IL1RAPL1: variants seen among roughly 807,000 people sequenced by gnomAD.
IL1RAPL1 encodes the protein interleukin 1 receptor accessory protein like 1, also known as interleukin-1 receptor accessory protein-like 1.
In IL1RAPL1, 3 loss-of-function variants were observed where a neutral mutation model predicts 48.4. That is an observed-to-expected ratio of 0.06 (90% CI 0.03 to 0.16). The LOEUF is 0.16. Among genes scored for constraint, IL1RAPL1 ranks in the 10% least tolerant of loss-of-function variants. The pLI, the probability that IL1RAPL1 is intolerant of heterozygous loss-of-function variation, is 1.00. For synonymous variants in IL1RAPL1, 185 were observed against 187.7 expected (o/e 0.99, Z 0.12); for missense variants, 349 against 530.6 (o/e 0.66, Z 3.36).
At chrX:29,715,207 C>T (rs1319546414) in intron 6 of IL1RAPL1, among the ~76,000 whole-genome samples, 1 of 111,468 alleles carries the variant, frequency 9.0e-6, no homozygotes, top group Non-Finnish European at 1.9e-5. Context: ...ACAGCTACCA[C>T]CATCACAACC....
chrX:29,815,871 A>C (rs2031684477), intron 6 of IL1RAPL1, among the ~76,000 whole-genome samples: 1 of 111,067 alleles, frequency 9.0e-6, no homozygotes, highest in Non-Finnish European at 1.9e-5. Context: ...TTTTGTTTTT[A>C]ATTTTGTTTA....
chrX:29,688,280 C>T (rs914070377), intron 6 of IL1RAPL1, among the ~76,000 whole-genome samples: 71 of 111,318 alleles, frequency 6.4e-4, no homozygotes, highest in African/African-American at 2.2e-3. Context: ...ATCTTTGCCT[C>T]TTCCAAGGTC....
intron 6 of IL1RAPL1, among the ~76,000 whole-genome samples, chrX:29,884,150 C>G (rs1030929365): frequency 3.6e-5 from 4 of 111,699 alleles, no homozygotes; most frequent in Admixed American, 9.5e-5. Flanking sequence ...AGTAGTCTAC[C>G]CATTTAATAC....
intron 5 of IL1RAPL1, among the ~76,000 whole-genome samples, chrX:29,523,352 T>C (rs759977207): frequency 9.0e-6 from 1 of 111,600 alleles, no homozygotes; most frequent in Non-Finnish European, 1.9e-5. Flanking sequence ...CCAAGAGCAC[T>C]GTCCCCTTTC....
intron 5 of IL1RAPL1, among the ~76,000 whole-genome samples, chrX:29,592,949 T>C (rs751361302): frequency 1.5e-4 from 17 of 112,418 alleles, no homozygotes; most frequent in Non-Finnish European, 2.6e-4. Context: ...CATCCCATGC[T>C]GATGCCACCT....
At chrX:29,038,432 A>T (rs1047592175) in intron 2 of IL1RAPL1, among the ~76,000 whole-genome samples, 1 of 111,841 alleles carries the variant, frequency 8.9e-6, no homozygotes, top group African/African-American at 3.2e-5. Context: ...TAGTAATAGA[A>T]CACTAATAAA....
intron 6 of IL1RAPL1, among the ~76,000 whole-genome samples, chrX:29,769,441 T>TG (rs1928998060): frequency 1.5e-5 from 1 of 65,880 alleles, no homozygotes; most frequent in Non-Finnish European, 2.8e-5. Flanking sequence ...TTTTTTTTTT[T>TG]TTTTTTTTTT....
intron 2 of IL1RAPL1, among the ~76,000 whole-genome samples, chrX:28,808,704 G>A (rs1243667025): frequency 9.0e-6 from 1 of 110,541 alleles, no homozygotes; most frequent in Non-Finnish European, 1.9e-5. Flanking sequence ...AACAAATTAG[G>A]TATTCATTGC....
At chrX:29,139,517 T>C (rs1929204269) in intron 2 of IL1RAPL1, among the ~76,000 whole-genome samples, 1 of 111,500 alleles carries the variant, frequency 9.0e-6, no homozygotes, top group Non-Finnish European at 1.9e-5. Context: ...GGTTATTGAA[T>C]AGATTTTTAT....
At chrX:29,400,023 T>C (rs1933974086) in intron 5 of IL1RAPL1, among the ~76,000 whole-genome samples, 1 of 111,973 alleles carries the variant, frequency 8.9e-6, no homozygotes. Flanking sequence ...CTTTTATTTA[T>C]TTATCACTCT....
chrX:29,168,368 GCTAA>G, intron 2 of IL1RAPL1, among the ~76,000 whole-genome samples: 1 of 106,114 alleles, frequency 9.4e-6, no homozygotes, highest in South Asian at 4.2e-4. Flanking sequence ...ACCAATGTTT[GCTAA>G]CTACTATTCT....
intron 5 of IL1RAPL1, among the ~76,000 whole-genome samples, chrX:29,423,518 G>A (rs1450836597): frequency 9.0e-6 from 1 of 111,653 alleles, no homozygotes. Context: ...TGGTGTCAAC[G>A]CCAGAATAGT....
chrX:28,645,276 G>A (rs1183529334), intron 1 of IL1RAPL1, among the ~76,000 whole-genome samples: 1 of 104,062 alleles, frequency 9.6e-6, no homozygotes. Flanking sequence ...GAACCCAGGA[G>A]GTGGAGGTCG....
chrX:28,637,328 G>C lies in IL1RAPL1; in HGVS notation c.-25+49281G>C, dbSNP rs577980786. Reference sequence around the variant, plus strand: ...AAACTTAACAACAACAACAAAAAAGGTTCTCAGAGAGATATTCCCTGTCCA... The same window carrying C: ...AAACTTAACAACAACAACAAAAAAGCTTCTCAGAGAGATATTCCCTGTCCA... On this transcript the variant is annotated intron_variant, in intron 1 of 10. Coordinates refer to ENST00000378993, the MANE Select transcript of IL1RAPL1 (RefSeq NM_014271.4). Among the ~76,000 whole-genome samples, 9 of 111,377 alleles carry C rather than the reference G, an allele frequency of 8.1e-5. No homozygotes were observed. The South Asian group carries it at 3.4e-3, about 42-fold the overall frequency.
chrX:29,003,262 G>A (rs1023659489), intron 2 of IL1RAPL1, among the ~76,000 whole-genome samples: 7 of 111,197 alleles, frequency 6.3e-5, no homozygotes, highest in African/African-American at 2.0e-4. Flanking sequence ...GGTAGGGGTC[G>A]TATCATCTAG....
At chrX:28,954,698 A>G (rs1924557722) in intron 2 of IL1RAPL1, among the ~76,000 whole-genome samples, 1 of 111,421 alleles carries the variant, frequency 9.0e-6, no homozygotes, top group Non-Finnish European at 1.9e-5. Context: ...AATATATACA[A>G]TCTCATTGTC....
intron 2 of IL1RAPL1, among the ~76,000 whole-genome samples, chrX:29,184,571 G>C (rs1930214436): frequency 9.0e-6 from 1 of 111,091 alleles, no homozygotes; most frequent in South Asian, 3.8e-4. Context: ...CTTGATCTGG[G>C]CTCACTGCAA....
chrX:29,397,544 A>G (rs1318380966), intron 4 of IL1RAPL1, among the ~76,000 whole-genome samples: 1 of 110,821 alleles, frequency 9.0e-6, no homozygotes, highest in African/African-American at 3.3e-5. Flanking sequence ...ATGGAGCTCA[A>G]ATATTAGTCC....
rs190036410 is a variant in IL1RAPL1 at position 29,866,458 on chromosome X, T to A, written c.779-51006T>A. ...GGAGAATTATAAAGACGCTCTTTTA[T>A]TAAGAATCAGGCACAGCCTTTCTGA... On this transcript the variant is annotated intron_variant, in intron 6 of 10. Transcript: ENST00000378993. 1.8e-3 allele frequency among the ~76,000 whole-genome samples: 202 copies of A among 110,680 alleles called. 1 individual carries two copies. Among genetic ancestry groups the A allele is most frequent in the African/African-American group, 6.4e-3 (194 of 30,402 alleles).
Sources: gnomAD v4.1 joint callset for allele counts (sites outside exome capture counted in the v4.1 genomes callset) on GRCh38, gnomAD v4.1.1 for gene constraint, MANE v1.5 for transcripts, NCBI Gene and HGNC (gene_info 2026-07-23, HGNC 2026-07-21) for gene names.